Variants in ROBO2 observed in about 807,000 individuals in gnomAD.
ROBO2 encodes roundabout homolog 2.
In ROBO2, 53 loss-of-function variants were observed where a neutral mutation model predicts 160.8. The ratio of observed to expected loss-of-function variants is 0.33; its 90% CI spans 0.26 to 0.41. The LOEUF (loss-of-function observed/expected upper bound fraction) is 0.41, where lower values mean the gene tolerates loss of function less well. Ranked by LOEUF, ROBO2 falls within the 10% of genes least tolerant of loss-of-function variation. The probability of loss-of-function intolerance (pLI) is 1.00; values close to 1 mark genes in which losing one functional copy is unlikely to be tolerated. For synonymous variants in ROBO2, 664 were observed against 611.7 expected (o/e 1.09, Z -1.26); for missense variants, 1,577 against 1,722.4 (o/e 0.92, Z 1.49).
intron 2 of ROBO2, among the ~76,000 whole-genome samples, chr3:76,083,069 T>C (rs1203268656): frequency 6.6e-6 from 1 of 152,088 alleles, no homozygotes; most frequent in East Asian, 1.9e-4. Context: ...TGAATTATGA[T>C]GACATTCACT....
intron 2 of ROBO2, among the ~76,000 whole-genome samples, chr3:76,853,133 T>C (rs11709058): frequency 0.12 from 18,887 of 152,070 alleles, 1,345 homozygotes; most frequent in East Asian, 0.24. Flanking sequence ...TTCCATATTG[T>C]TACTATTTAA....
At chr3:76,932,423 A>AACACACACACACAC (rs71104640) in intron 2 of ROBO2, among the ~76,000 whole-genome samples, 5 of 150,550 alleles carry the variant, frequency 3.3e-5, no homozygotes, top group African/African-American at 1.2e-4. Flanking sequence ...TATGTTTAGA[A>AACACACACACACAC]ACACACACAC....
chr3:77,579,924 T>A, intron 15 of ROBO2, 23 bp from the exon 17 acceptor site: 1 of 1,604,486 alleles, frequency 6.2e-7, no homozygotes, highest in East Asian at 2.2e-5. Flanking sequence ...TATCCATGTG[T>A]TATTCACTTT....
At position 77,003,471 on chromosome 3, in the gene ROBO2, G is replaced by GT. The variant is rs569331075; in HGVS notation, c.110-94536dup. Among the ~76,000 whole-genome samples, 631 of 152,212 alleles carry GT rather than the reference G, an allele frequency of 4.1e-3. 2 individuals carry two copies. Among genetic ancestry groups the GT allele is most frequent in the Non-Finnish European group, 6.2e-3 (422 of 67,982 alleles). On this transcript the variant is annotated intron_variant, in intron 2 of 26. Transcript: ENST00000487694. ...ACAATTATAATCACCATTAGTCTTTGTTTTTTTCCCATGCCTTTCTTCACG... is the reference window on the plus strand; with the variant it reads ...ACAATTATAATCACCATTAGTCTTTGTTTTTTTTCCCATGCCTTTCTTCACG...
At chr3:77,438,932 T>C (rs2079615726) in intron 2 of ROBO2, among the ~76,000 whole-genome samples, 1 of 152,126 alleles carries the variant, frequency 6.6e-6, no homozygotes, top group African/African-American at 2.4e-5. Flanking sequence ...TAGTTTTACA[T>C]ACAGAGCTAT....
At chr3:77,357,281 G>A (rs1490824564) in intron 2 of ROBO2, among the ~76,000 whole-genome samples, 2 of 152,084 alleles carry the variant, frequency 1.3e-5, no homozygotes, top group African/African-American at 4.8e-5. Context: ...TCTGCCCTCT[G>A]AATGGATTAA....
chr3:76,453,882 A>G (rs17014216), intron 2 of ROBO2, among the ~76,000 whole-genome samples: 7,057 of 152,214 alleles, frequency 0.046, 497 homozygotes, highest in African/African-American at 0.15. Context: ...GAATGAATGT[A>G]TGAATTGACT....
chr3:77,527,868 A>T (rs1414661397), intron 6 of ROBO2, among the ~76,000 whole-genome samples: 2 of 151,544 alleles, frequency 1.3e-5, no homozygotes, highest in Non-Finnish European at 3.0e-5. Context: ...TTTTAGGGAT[A>T]TTTTTAGCTG....
intron 2 of ROBO2, among the ~76,000 whole-genome samples, chr3:76,501,755 T>C (rs2080473334): frequency 6.6e-6 from 1 of 152,228 alleles, no homozygotes; most frequent in South Asian, 2.1e-4. Context: ...GAATTAAATA[T>C]AGGGATATCA....
intron 5 of ROBO2, among the ~76,000 whole-genome samples, chr3:77,499,586 A>T (rs1052036884): frequency 4.6e-5 from 7 of 151,802 alleles, no homozygotes; most frequent in Non-Finnish European, 8.8e-5. Flanking sequence ...ACATTTTCCT[A>T]TCTTTGGCCA....
chr3:76,608,517 A>C (rs565895700), intron 2 of ROBO2, among the ~76,000 whole-genome samples: 1 of 152,130 alleles, frequency 6.6e-6, no homozygotes, highest in Admixed American at 6.5e-5. Context: ...CTCAACTAGG[A>C]TGGTTTGGAC....
At chr3:76,368,804 T>C (rs2075961327) in intron 2 of ROBO2, among the ~76,000 whole-genome samples, 1 of 151,938 alleles carries the variant, frequency 6.6e-6, no homozygotes, top group South Asian at 2.1e-4. Flanking sequence ...AATCTGAATG[T>C]ATAGCAGGAA....
chr3:76,439,464 G>A (rs1392920817), intron 2 of ROBO2, among the ~76,000 whole-genome samples: 2 of 152,048 alleles, frequency 1.3e-5, no homozygotes, highest in Non-Finnish European at 2.9e-5. Flanking sequence ...GATAAGAGAA[G>A]GTGCTCCTAA....
rs141252588 is a variant in ROBO2, at chr3:76,249,102, C to T, written c.109+311500C>T. ...ATGTGCACATCTTTGATAAGGTCTT[C>T]GTTATTTTATAAGTAGTTAATAATT... On this transcript the variant is annotated intron_variant, in intron 2 of 26. Transcript: ENST00000487694. 4.7e-3 allele frequency among the ~76,000 whole-genome samples: 717 copies of T among 152,052 alleles called. 6 individuals carry two copies. Among genetic ancestry groups the T allele is most frequent in the African/African-American group, 0.016 (667 of 41,480 alleles).
intron 2 of ROBO2, among the ~76,000 whole-genome samples, chr3:76,792,088 A>T (rs542250744): frequency 1.4e-4 from 22 of 152,046 alleles, no homozygotes; most frequent in African/African-American, 4.3e-4. Flanking sequence ...TTTAAAGACA[A>T]AAAGAAAAAA....
intron 6 of ROBO2, among the ~76,000 whole-genome samples, chr3:77,536,747 A>G (rs2092133197): frequency 6.6e-6 from 1 of 152,288 alleles, no homozygotes; most frequent in South Asian, 2.1e-4. Flanking sequence ...TTGCCATGCA[A>G]CATCTGAATT....
chr3:76,917,103 A>G (rs2076365517), intron 2 of ROBO2, among the ~76,000 whole-genome samples: 2 of 152,198 alleles, frequency 1.3e-5, no homozygotes, highest in South Asian at 4.1e-4. Context: ...GGCTGGGCTC[A>G]TGGACAGGGT....
intron 2 of ROBO2, among the ~76,000 whole-genome samples, chr3:77,146,142 G>A (rs569254629): frequency 2.6e-5 from 4 of 152,274 alleles, no homozygotes; most frequent in South Asian, 2.1e-4. Flanking sequence ...TGGGCTTGTC[G>A]TCTTCTGTCA....
intron 2 of ROBO2, among the ~76,000 whole-genome samples, chr3:76,507,887 C>T (rs2107712305): frequency 6.6e-6 from 1 of 152,216 alleles, no homozygotes; most frequent in Non-Finnish European, 1.5e-5. Flanking sequence ...CATAGGAAAT[C>T]AAAGTCATGA....
Sources: allele counts gnomAD v4.1 joint callset (sites outside exome capture counted in the v4.1 genomes callset), GRCh38; gene constraint gnomAD v4.1.1; transcripts MANE v1.5; gene names NCBI Gene and HGNC (gene_info 2026-07-23, HGNC 2026-07-21).